PCARE: variants seen among roughly 807,000 people sequenced by gnomAD.
PCARE encodes the protein uncharacterized protein C2orf71.
Under a neutral mutation model 82.2 loss-of-function variants are expected in PCARE, and 72 were observed. The observed-to-expected ratio is 0.88, with a 90% CI of 0.72 to 1.07. The LOEUF is 1.07. Ranked by LOEUF, PCARE falls within the 50% of genes least tolerant of loss-of-function variation. The probability of loss-of-function intolerance (pLI) is 0.00; values close to 1 mark genes in which losing one functional copy is unlikely to be tolerated. For synonymous variants in PCARE, 705 were observed against 634.8 expected, an observed-to-expected ratio of 1.11 and a Z score of -1.66; for missense variants, 1,768 against 1,592.4, an observed-to-expected ratio of 1.11 and a Z score of -1.88.
chr2:29,066,543 A>G (rs1275977810), intron 1 of PCARE, among the ~76,000 whole-genome samples: 1 of 152,254 alleles, frequency 6.6e-6, no homozygotes, highest in African/African-American at 2.4e-5. Context: ...GGTCAGGCTT[A>G]CATGGGATGC....
intron 1 of PCARE, among the ~76,000 whole-genome samples, chr2:29,065,677 C>T (rs1667380320): frequency 6.6e-6 from 1 of 152,324 alleles, no homozygotes; most frequent in East Asian, 1.9e-4. Flanking sequence ...TGGCCCTGAG[C>T]ATGGAGCAAG....
chr2:29,068,760 G>A (rs568978188), intron 1 of PCARE, among the ~76,000 whole-genome samples: 16 of 152,256 alleles, frequency 1.1e-4, no homozygotes, highest in East Asian at 9.6e-4. Flanking sequence ...CAGCCTGCCC[G>A]GGGGAGAGGT....
intron 1 of PCARE, among the ~76,000 whole-genome samples, chr2:29,067,457 A>G (rs74821938): frequency 0.013 from 2,006 of 152,262 alleles, 42 homozygotes; most frequent in African/African-American, 0.044. Context: ...GTGGTGTCAT[A>G]AGAGGCGGGG....
In PCARE at chr2:29,065,024, T is replaced by G. The variant is rs1667371060; in HGVS notation, c.3712A>C (p.Ser1238Arg). ...SPKKDTEPGS[S>R]PCSPELQGGT... ...CCCTGCAGTTCAGGGGAACAGGGGC[T>G]GCTCCCCGGCTCTGTGTCCTTCTTA... The change falls in exon 2 of 2, where the codon AGC becomes CGC. Residue 1238 changes from serine to arginine, a missense_variant. By Grantham distance (110) the Ser-to-Arg change is moderately radical. Coordinates refer to ENST00000331664, the MANE Select transcript of PCARE (RefSeq NM_001029883.3). 1 of 1,556,562 alleles carries G rather than the reference T, an allele frequency of 6.4e-7. No homozygotes were observed. The highest frequency in any genetic ancestry group is 8.7e-7 in the Non-Finnish European group (1 of 1,149,960).
At position 29,062,238 on chromosome 2, in the gene PCARE, C is replaced by T. The variant is rs1247244984; in HGVS notation, c.*2631G>A. 1 of 152,296 alleles carries T rather than the reference C, an allele frequency of 6.6e-6. No individual in the cohort carries two copies. The highest frequency in any genetic ancestry group is 1.5e-5 in the Non-Finnish European group (1 of 68,128). The allele number at this position is 152,296 out of a possible 1,614,324, so 9.4% of individuals were successfully genotyped here. On this transcript the variant is annotated 3_prime_UTR_variant, in exon 2 of 2. Transcript: ENST00000331664. ...CACAATGGTGTCACCAGCTCACTGT[C>T]CCGGCTGCCTGGGTCTGGTGGCAGC...
rs369935946 is a variant in PCARE, at chr2:29,072,370, G to A, written c.1892C>T (p.Ala631Val). The A allele has an allele frequency of 6.4e-5, 103 of 1,613,956 alleles. No homozygotes were observed. The highest frequency in any genetic ancestry group is 8.6e-5 in the Non-Finnish European group (101 of 1,180,024). ...QKLEAFYALG[A>V]KGQGQSQEQI... ...CTCCTGGCTCTGCCCCTGCCCTTTG[G>A]CACCCAGGGCATAAAATGCCTCCAG... is the stretch of plus-strand genomic sequence containing the variant. The change falls in exon 1 of 2, where the codon GCC becomes GTC. Residue 631 changes from alanine to valine, a missense_variant. Transcript: ENST00000331664.
rs1336900749 is a variant in PCARE, at chr2:29,071,650, C to T, written c.2612G>A (p.Gly871Asp). Reference sequence around the variant, plus strand: ...GGAAGCCCATGTTCTCCTGGTGGGGCCAGCCTCTCCCGGCCCTGGCTCCTG... The same window carrying T: ...GGAAGCCCATGTTCTCCTGGTGGGGTCAGCCTCTCCCGGCCCTGGCTCCTG... The part of the protein sequence containing the change: ...ETQEPGPGEA[G>D]PTRRTWASPK... The change falls in exon 1 of 2, where the codon GGC becomes GAC. Residue 871 changes from glycine to aspartate, a missense_variant. Physicochemically the swap from Gly to Asp is moderately conservative, Grantham distance 94. Coordinates refer to ENST00000331664, the MANE Select transcript of PCARE (RefSeq NM_001029883.3). 6.2e-7 allele frequency: 1 copy of T among 1,613,676 alleles called. No individual in the cohort carries two copies. The highest frequency in any genetic ancestry group is 8.5e-7 in the Non-Finnish European group (1 of 1,179,864).
rs761862924 is a variant in PCARE, at chr2:29,073,953, C to A, written c.309G>T (p.Leu103=). ...TAGCCATGTGGCTTTGTGATTTGTT[C>A]AGCTGGGATGAAGAGGTTTTGGTTC... The part of the protein sequence containing the change: ...IPGTKTSSSQ[L]NKSQSHMAKD... Residue 103 remains leucine, a synonymous_variant, in exon 1 of 2, where the codon CTG becomes CTT. Transcript: ENST00000331664. The A allele has an allele frequency of 6.2e-6, 10 of 1,614,214 alleles. No homozygotes were observed. The highest frequency in any genetic ancestry group is 7.6e-6 in the Non-Finnish European group (9 of 1,180,036).
Position 29,074,072 on chromosome 2 carries a change from G to A in PCARE, c.190C>T (p.Pro64Ser). 1 of 1,614,194 alleles carries A rather than the reference G, an allele frequency of 6.2e-7. No individual in the cohort carries two copies. The highest frequency in any genetic ancestry group is 1.1e-5 in the South Asian group (1 of 91,080). The change falls in exon 1 of 2, where the codon CCC becomes TCC. Residue 64 changes from proline (P) to serine (S), a missense_variant. Transcript: ENST00000331664. ...GEGLAEEQPS[P>S]RRNQTTAKGL... ...TTAGCTGTGGTTTGGTTCCTCCTGG[G>A]ACTTGGCTGCTCCTCTGCCAGGCCC...
In PCARE at chr2:29,073,435, C is replaced by T. The variant is rs1233045406; in HGVS notation, c.827G>A (p.Ser276Asn). The T allele has an allele frequency of 1.9e-6, 3 of 1,614,122 alleles. No individual in the cohort carries two copies. The highest frequency in any genetic ancestry group is 2.5e-6 in the Non-Finnish European group (3 of 1,180,044). The change falls in exon 1 of 2, where the codon AGC (serine) becomes AAC (asparagine). Residue 276 changes from serine (S) to asparagine (N), a missense_variant. Coordinates refer to ENST00000331664, the MANE Select transcript of PCARE (RefSeq NM_001029883.3). ...TGTGCCATTGAGCACCTGCAGCTTG[C>T]TGACTGTGTACTGTAGCAGCTGTTG... ...LLQQLLQYTV[S>N]KLQVLNGTVA...
At chr2:29,066,842 C>T (rs1157907912) in intron 1 of PCARE, among the ~76,000 whole-genome samples, 1 of 152,228 alleles carries the variant, frequency 6.6e-6, no homozygotes, top group Non-Finnish European at 1.5e-5. Context: ...CAGGTGAAGA[C>T]TGAAAACACC....
At position 29,070,808 on chromosome 2, in the gene PCARE, CCT is replaced by C; in HGVS notation, c.3452_3453del (p.Glu1151GlyfsTer45). On this transcript the variant is annotated frameshift_variant, in exon 1 of 2. Coordinates refer to ENST00000331664, the MANE Select transcript of PCARE (RefSeq NM_001029883.3). LOFTEE classifies it high-confidence loss of function. Reference sequence around the variant, plus strand: ...GCTGGGTTCCCGAGAGGGCCCCCAGCCTCTGGCGGCAGCGATGGTGGGGTCAG... The same window carrying C: ...GCTGGGTTCCCGAGAGGGCCCCCAGCCTGGCGGCAGCGATGGTGGGGTCAG... ...HPLTPPSLPPEAGGPLGNPAE... is the reference protein window; with the variant it reads ...HPLTPPSLPPXAGGPLGNPAE... 1.2e-6 allele frequency: 2 copies of C among 1,614,128 alleles called. No homozygotes were observed. The highest frequency in any genetic ancestry group is 8.5e-7 in the Non-Finnish European group (1 of 1,180,040).
rs373090012 is a variant in PCARE, at chr2:29,073,267, G to T, written c.995C>A (p.Ala332Glu). Residue 332 changes from alanine (A) to glutamate (E), a missense_variant, in exon 1 of 2, where the codon GCG (alanine) becomes GAG (glutamate). Transcript: ENST00000331664. ...CACCCCAGGGTCGCCACAGCCACTC[G>T]CCAGGCTCTCTAGCTGCCTCAGAGC... ...LRALRQLESL[A>E]SGCGDPGVQG... 2.5e-6 allele frequency: 4 copies of T among 1,614,088 alleles called. No individual in the cohort carries two copies. Among genetic ancestry groups the T allele is most frequent in the Non-Finnish European group, 3.4e-6 (4 of 1,179,982 alleles).
chr2:29,070,704 A>G lies in PCARE; in HGVS notation c.3558T>C (p.Pro1186=), dbSNP rs929133037. 6.8e-6 allele frequency: 11 copies of G among 1,614,048 alleles called. No homozygotes were observed. Among genetic ancestry groups the G allele is most frequent in the Non-Finnish European group, 9.3e-6 (11 of 1,180,008 alleles). The part of the protein sequence containing the change: ...QRRAALCALN[P]LPFLRRTASD... ...AAGCTGTCCTCCTGAGGAAAGGCAGAGGGTTGAGGGCACACAGAGCTGCTC... is the reference window on the plus strand; with the variant it reads ...AAGCTGTCCTCCTGAGGAAAGGCAGGGGGTTGAGGGCACACAGAGCTGCTC... Residue 1186 remains proline (P), a synonymous_variant, in exon 1 of 2, where the codon CCT becomes CCC. Transcript: ENST00000331664.
At chr2:29,067,127 C>A (rs1667401875) in intron 1 of PCARE, among the ~76,000 whole-genome samples, 1 of 152,156 alleles carries the variant, frequency 6.6e-6, no homozygotes. Context: ...AGGCCTGCCT[C>A]AGCTGCAAGA....
In PCARE at chr2:29,071,387, C is replaced by G. The variant is rs192350796; in HGVS notation, c.2875G>C (p.Ala959Pro). The G allele has an allele frequency of 5.6e-6, 9 of 1,613,724 alleles. No homozygotes were observed. Among genetic ancestry groups the G allele is most frequent in the Non-Finnish European group, 7.6e-6 (9 of 1,179,924 alleles). Residue 959 changes from alanine (A) to proline (P), a missense_variant, in exon 1 of 2, where the codon GCC becomes CCC. Physicochemically the swap from Ala to Pro is conservative, Grantham distance 27 (BLOSUM62 -1). Coordinates refer to ENST00000331664, the MANE Select transcript of PCARE (RefSeq NM_001029883.3). Reference protein sequence around the residue: ...SLYRQPRKAIAWHHSGPPSGQ... With the variant: ...SLYRQPRKAIPWHHSGPPSGQ... ...GATGGAGGGCCGGAGTGGTGCCAGG[C>G]GATGGCCTTCCGGGGCTGCCTGTAG...
Position 29,072,122 on chromosome 2 carries a change from C to T in PCARE, c.2140G>A (p.Ala714Thr). ...ACATTCCAGTCTGTGGCCTTGGCAG[C>T]CTCACTGACCTCTCCTGATGGGATG... ...NAIPSGEVSEAAKATDWNVRG... is the reference protein window; with the variant it reads ...NAIPSGEVSETAKATDWNVRG... Residue 714 changes from alanine (A) to threonine (T), a missense_variant, in exon 1 of 2, where the codon GCT becomes ACT. Ala to Thr is a moderately conservative substitution (Grantham distance 58). Transcript: ENST00000331664. 2 of 1,614,262 alleles carry T rather than the reference C, an allele frequency of 1.2e-6. No individual in the cohort carries two copies. The highest frequency in any genetic ancestry group is 1.7e-6 in the Non-Finnish European group (2 of 1,180,048).
Position 29,072,055 on chromosome 2 carries a change from T to G in PCARE, c.2207A>C (p.Glu736Ala). Residue 736 changes from glutamate (E) to alanine (A), a missense_variant, in exon 1 of 2, where the codon GAA becomes GCA. Glu to Ala is a moderately radical substitution (Grantham distance 107). Transcript: ENST00000331664. ...CAGACTCTCCGTGGGACTGAAAGTT[T>G]CAATAAGCTTCTTGACGGATGTTCT... ...PTRTSVKKLI[E>A]TFSPTESLRM... 1 of 1,614,214 alleles carries G rather than the reference T, an allele frequency of 6.2e-7. No homozygotes were observed. The highest frequency in any genetic ancestry group is 8.5e-7 in the Non-Finnish European group (1 of 1,180,034).
At chr2:29,066,473 G>C (rs1164113907) in intron 1 of PCARE, among the ~76,000 whole-genome samples, 1 of 152,220 alleles carries the variant, frequency 6.6e-6, no homozygotes, top group Non-Finnish European at 1.5e-5. Context: ...CTCTCTGCTC[G>C]CGACAGCACA....
Sources: gnomAD v4.1 joint callset for allele counts (sites outside exome capture counted in the v4.1 genomes callset) on GRCh38, gnomAD v4.1.1 for gene constraint, MANE v1.5 for transcripts, NCBI Gene and HGNC (gene_info 2026-07-23, HGNC 2026-07-21) for gene names.